DISC1: variants seen among roughly 807,000 people sequenced by gnomAD.
DISC1 encodes disrupted in schizophrenia 1 protein.
A neutral mutation model predicts 84.5 loss-of-function variants in DISC1; 57 were observed. The ratio of observed to expected loss-of-function variants is 0.67; its 90% CI spans 0.55 to 0.84. The LOEUF is 0.84. Among genes scored for constraint, DISC1 ranks in the 40% least tolerant of loss-of-function variants. The pLI, the probability that DISC1 is intolerant of heterozygous loss-of-function variation, is 0.00. For synonymous variants in DISC1, 411 were observed against 415.2 expected (o/e 0.99, Z 0.12); for missense variants, 1,000 against 1,057.8 (o/e 0.95, Z 0.76).
chr1:231,782,378 T>C (rs201747919), intron 6 of DISC1, among the ~76,000 whole-genome samples: 2 of 152,168 alleles, frequency 1.3e-5, no homozygotes, highest in Non-Finnish European at 2.9e-5. Context: ...ATTCCCCAGT[T>C]TTAGGAATCA....
rs115183574 is a variant in DISC1, at chr1:231,755,684, G to A, written c.1268+5608G>A. ...GTTCCTTCTCCTATATCCCCAGTCT[G>A]AATGACTTTCACTGCCATTTACCCA... On this transcript the variant is annotated intron_variant, in intron 4 of 12. Transcript: ENST00000439617. 5.2e-3 allele frequency among the ~76,000 whole-genome samples: 795 copies of A among 152,190 alleles called. 7 individuals are homozygous for A. Among genetic ancestry groups the A allele is most frequent in the African/African-American group, 0.018 (761 of 41,510 alleles).
At chr1:231,692,381 G>A (rs2065150070) in intron 1 of DISC1, among the ~76,000 whole-genome samples, 1 of 152,136 alleles carries the variant, frequency 6.6e-6, no homozygotes, top group Non-Finnish European at 1.5e-5. Context: ...GCAAGTCTTG[G>A]GCTCTGTTAT....
chr1:231,699,396 A>G (rs2066120105), intron 2 of DISC1, among the ~76,000 whole-genome samples: 1 of 152,176 alleles, frequency 6.6e-6, no homozygotes, highest in African/African-American at 2.4e-5. Flanking sequence ...ACCTGGTGCA[A>G]TAAGTACTCC....
At chr1:231,866,609 T>G (rs1359060363) in intron 9 of DISC1, 1 of 1,545,450 alleles carries the variant, frequency 6.5e-7, no homozygotes, top group Non-Finnish European at 8.9e-7. Context: ...CACTGTGATT[T>G]GAACCCAGAG....
chr1:231,815,610 C>T (rs990112529), intron 8 of DISC1, among the ~76,000 whole-genome samples: 2 of 151,800 alleles, frequency 1.3e-5, no homozygotes, highest in Admixed American at 1.3e-4. Flanking sequence ...TGGTGGTGGG[C>T]ACTTGTAATC....
intron 9 of DISC1, among the ~76,000 whole-genome samples, chr1:231,944,505 T>C (rs1223839479): frequency 6.6e-6 from 1 of 152,194 alleles, no homozygotes; most frequent in African/African-American, 2.4e-5. Context: ...TCAGATATGC[T>C]TTGCAGCTCC....
At chr1:231,854,339 T>A (rs551911169) in intron 9 of DISC1, among the ~76,000 whole-genome samples, 1 of 152,340 alleles carries the variant, frequency 6.6e-6, no homozygotes, top group East Asian at 1.9e-4. Flanking sequence ...ATGATAGATG[T>A]GATATATAGA....
chr1:231,628,018 G>A (rs535611755), intron 1 of DISC1, among the ~76,000 whole-genome samples: 1 of 152,104 alleles, frequency 6.6e-6, no homozygotes, highest in African/African-American at 2.4e-5. Flanking sequence ...GAAGCACCTC[G>A]CCCAATGCCT....
chr1:231,847,264 G>C (rs547291343), intron 9 of DISC1, among the ~76,000 whole-genome samples: 13 of 152,026 alleles, frequency 8.6e-5, no homozygotes, highest in Admixed American at 2.6e-4. Context: ...TCCTCATAGG[G>C]ATGCCGATCA....
intron 9 of DISC1, among the ~76,000 whole-genome samples, chr1:231,869,616 A>G (rs1471931504): frequency 6.6e-6 from 1 of 151,756 alleles, no homozygotes; most frequent in African/African-American, 2.4e-5. Flanking sequence ...GAAGCAAGAA[A>G]GAGGAGGAGG....
At chr1:231,881,059 T>G (rs1321663024) in intron 9 of DISC1, among the ~76,000 whole-genome samples, 3 of 152,104 alleles carry the variant, frequency 2.0e-5, no homozygotes, top group Non-Finnish European at 2.9e-5. Context: ...TGGGTTTATT[T>G]TCCTTTCTCC....
chr1:231,739,503 G>A (rs1041007481), intron 3 of DISC1, among the ~76,000 whole-genome samples: 1 of 152,182 alleles, frequency 6.6e-6, no homozygotes, highest in African/African-American at 2.4e-5. Flanking sequence ...CCTTGGTGCT[G>A]GTGAGTGGAC....
chr1:231,920,970 G>C (rs1431822165), intron 9 of DISC1, among the ~76,000 whole-genome samples: 2 of 146,684 alleles, frequency 1.4e-5, no homozygotes, highest in African/African-American at 2.5e-5. Flanking sequence ...GCAGTGGCGT[G>C]ATCTCGGCTC....
intron 5 of DISC1, among the ~76,000 whole-genome samples, chr1:231,770,048 A>T (rs750936713): frequency 9.2e-5 from 14 of 152,140 alleles, no homozygotes; most frequent in Non-Finnish European, 2.1e-4. Context: ...GAACGTGAAT[A>T]AGAGGTTAGG....
chr1:231,864,456 G>T (rs183516762), intron 9 of DISC1, among the ~76,000 whole-genome samples: 222 of 152,254 alleles, frequency 1.5e-3, no homozygotes, highest in African/African-American at 5.2e-3. Context: ...GAGGTCAGGA[G>T]ATTGAGACCA....
At position 231,907,021 on chromosome 1, in the gene DISC1, TTC is replaced by T. The variant is rs374256479; in HGVS notation, c.1982-51795_1982-51794del. ...TTCTTTCTCTCTCTCTTTCTTTTTC[TTC>T]TCTCTCTCTCTTTCTTTCCCTCCCT... On this transcript the variant is annotated intron_variant, in intron 9 of 12. Transcript: ENST00000439617. Among the ~76,000 whole-genome samples, 176 of 150,538 alleles carry T rather than the reference TTC, an allele frequency of 1.2e-3. 1 individual carries two copies. Among genetic ancestry groups the T allele is most frequent in the African/African-American group, 3.8e-3 (155 of 41,150 alleles).
chr1:231,706,652 ATTAC>A (rs1558385253), intron 3 of DISC1, among the ~76,000 whole-genome samples: 1 of 152,208 alleles, frequency 6.6e-6, no homozygotes, highest in African/African-American at 2.4e-5. Context: ...CCAGCATCAT[ATTAC>A]TTTCTCTATC....
chr1:231,831,353 G>A (rs953528699), intron 9 of DISC1, among the ~76,000 whole-genome samples: 10 of 152,232 alleles, frequency 6.6e-5, no homozygotes, highest in African/African-American at 2.4e-4. Context: ...ATGTGGAAGA[G>A]GTTATGAAAT....
intron 6 of DISC1, among the ~76,000 whole-genome samples, chr1:231,788,008 C>A (rs1010642190): frequency 6.6e-6 from 1 of 152,188 alleles, no homozygotes. Context: ...ATCAGCCGGG[C>A]GCAGTGGCTC....
Sources: gnomAD v4.1 joint callset for allele counts (sites outside exome capture counted in the v4.1 genomes callset) on GRCh38, gnomAD v4.1.1 for gene constraint, MANE v1.5 for transcripts, NCBI Gene and HGNC (gene_info 2026-07-23, HGNC 2026-07-21) for gene names.